Variants in C16orf46 observed in about 807,000 individuals in gnomAD.
C16orf46 encodes the protein chromosome 16 open reading frame 46.
A neutral mutation model predicts 5.5 loss-of-function variants in C16orf46; 7 were observed. The observed-to-expected ratio is 1.28, with a 90% CI of 0.73 to 2.40. The LOEUF is 2.40. Among genes scored for constraint, C16orf46 ranks in the 30% most tolerant of loss-of-function variants. C16orf46 has a pLI of 0.00. For synonymous variants in C16orf46, 200 were observed against 184.1 expected, an observed-to-expected ratio of 1.09 and a Z score of -0.70; for missense variants, 614 against 476.0, an observed-to-expected ratio of 1.29 and a Z score of -2.70.
chr16:81,070,596 T>C (rs12443549), intron 1 of C16orf46, among the ~76,000 whole-genome samples: 11,544 of 152,268 alleles, frequency 0.076, 499 homozygotes, highest in East Asian at 0.2. Flanking sequence ...ACCGTCTATA[T>C]GCAAAAACAC....
chr16:81,067,424 T>C (rs536083593), intron 1 of C16orf46, among the ~76,000 whole-genome samples: 4 of 152,172 alleles, frequency 2.6e-5, no homozygotes, highest in Non-Finnish European at 5.9e-5. Flanking sequence ...CTTCCTGTAA[T>C]AAAACTTTTA....
intron 1 of C16orf46, chr16:81,076,431 G>C (rs1189827586): frequency 6.6e-6 from 1 of 152,100 alleles, no homozygotes; most frequent in African/African-American, 2.4e-5. Context: ...CAGGTCACAG[G>C]AACCTCAAGT....
rs1198292472 is a variant in C16orf46 at position 81,061,549 on chromosome 16, C to G, written c.800G>C (p.Ser267Thr). The change falls in exon 4 of 4, where the codon AGT (serine) becomes ACT (threonine). Residue 267 changes from serine to threonine, a missense_variant. Physicochemically the swap from Ser to Thr is moderately conservative, Grantham distance 58. Coordinates refer to ENST00000299578, the MANE Select transcript of C16orf46 (RefSeq NM_152337.3). ...TADGKGEKRA[S>T]ELAKHPMVND... ...GACCATAGGGTGTTTGGCCAGCTCA[C>G]TGGCTCTTTTTTCACCTTTCCCATC... The G allele has an allele frequency of 6.2e-7, 1 of 1,614,208 alleles. No individual in the cohort carries two copies. Among genetic ancestry groups the G allele is most frequent in the Non-Finnish European group, 8.5e-7 (1 of 1,180,048 alleles).
chr16:81,060,231 T>C (rs1971423416), downstream of C16orf46, among the ~76,000 whole-genome samples: 1 of 152,136 alleles, frequency 6.6e-6, no homozygotes, highest in Non-Finnish European at 1.5e-5. Flanking sequence ...TGTATATACA[T>C]GGAAACAATC....
At chr16:81,076,750 C>G (rs1379096528) in intron 1 of C16orf46, among the ~76,000 whole-genome samples, 1 of 151,964 alleles carries the variant, frequency 6.6e-6, no homozygotes, top group African/African-American at 2.4e-5. Flanking sequence ...GGCCACACCC[C>G]TTTCTCTATC....
exon 4 of C16orf46, chr16:81,053,549 A>C (rs1260417860): frequency 6.6e-6 from 1 of 152,298 alleles, no homozygotes; most frequent in African/African-American, 2.4e-5. Context: ...CAAAATAAAA[A>C]CTTTGTTCTA....
At chr16:81,073,906 G>C (rs989093058) in intron 1 of C16orf46, among the ~76,000 whole-genome samples, 1 of 152,206 alleles carries the variant, frequency 6.6e-6, no homozygotes, top group African/African-American at 2.4e-5. Context: ...TCCAATAAGA[G>C]TCTAGACTGG....
chr16:81,063,748 C>T lies in C16orf46; in HGVS notation c.208G>A (p.Ala70Thr), dbSNP rs751296213. 4 of 1,610,670 alleles carry T rather than the reference C, an allele frequency of 2.5e-6. No homozygotes were observed. The highest frequency in any genetic ancestry group is 3.4e-6 in the Non-Finnish European group (4 of 1,177,168). Residue 70 changes from alanine (A) to threonine (T), a missense_variant and splice_region_variant, in exon 3 of 4, where the codon GCA becomes ACA. Physicochemically the swap from Ala to Thr is moderately conservative, Grantham distance 58 (BLOSUM62 0). Transcript: ENST00000299578. ...EFIIGTGWEE[A>T]VQGWGRTSPA... The stretch of plus-strand genomic sequence containing the variant: ...CTGTGACTCAGAAAGATACTCACTG[C>T]CTCTTCCCATCCAGTTCCAATAATA...
Position 81,063,780 on chromosome 16 carries a change from T to A in C16orf46, c.176A>T (p.Lys59Ile). The stretch of plus-strand genomic sequence containing the variant: ...CCATCCAGTTCCAATAATAAACTCT[T>A]TGGCTTTTTCATCTTGTTCAAGCGT... The part of the protein sequence containing the change: ...DITLEQDEKA[K>I]EFIIGTGWEE... The change falls in exon 3 of 4, where the codon AAA becomes ATA. Residue 59 changes from lysine to isoleucine, a missense_variant. Transcript: ENST00000299578. 6.2e-7 allele frequency: 1 copy of A among 1,614,000 alleles called. No individual in the cohort carries two copies. Among genetic ancestry groups the A allele is most frequent in the South Asian group, 1.1e-5 (1 of 91,068 alleles).
intron 1 of C16orf46, among the ~76,000 whole-genome samples, chr16:81,076,088 C>A (rs1179083561): frequency 6.6e-6 from 1 of 152,118 alleles, no homozygotes; most frequent in Non-Finnish European, 1.5e-5. Context: ...TGGGTCGGCT[C>A]CTTAACAACC....
chr16:81,059,451 TTCAAG>T (rs1485244386), downstream of C16orf46, among the ~76,000 whole-genome samples: 14 of 152,124 alleles, frequency 9.2e-5, no homozygotes, highest in African/African-American at 3.4e-4. Context: ...AAATCCAGAC[TTCAAG>T]TCCAACCTAC....
chr16:81,071,211 A>C (rs1265755609), intron 1 of C16orf46, among the ~76,000 whole-genome samples: 2 of 152,158 alleles, frequency 1.3e-5, no homozygotes, highest in Admixed American at 1.3e-4. Flanking sequence ...TCCTCACTAG[A>C]GATCAGTGTA....
chr16:81,068,846 C>T (rs949341471), intron 1 of C16orf46, among the ~76,000 whole-genome samples: 8 of 152,000 alleles, frequency 5.3e-5, no homozygotes, highest in South Asian at 2.1e-4. Context: ...GGATTCCAGG[C>T]GCATGCCACC....
At chr16:81,064,514 G>A (rs959938419) in intron 2 of C16orf46, among the ~76,000 whole-genome samples, 3 of 152,078 alleles carry the variant, frequency 2.0e-5, no homozygotes, top group Non-Finnish European at 2.9e-5. Context: ...TTGGGATGCT[G>A]AGGCTGATGG....
chr16:81,055,829 T>C (rs1971278668), intron 3 of C16orf46, among the ~76,000 whole-genome samples: 1 of 152,222 alleles, frequency 6.6e-6, no homozygotes, highest in African/African-American at 2.4e-5. Flanking sequence ...CAAGCGACTC[T>C]CCTGCCTAAT....
chr16:81,066,566 T>C (rs568590593), intron 1 of C16orf46, among the ~76,000 whole-genome samples: 2 of 152,322 alleles, frequency 1.3e-5, no homozygotes, highest in African/African-American at 4.8e-5. Context: ...CGTTAGCAGA[T>C]GACACACAGT....
chr16:81,061,123 C>G lies in C16orf46; in HGVS notation c.*38G>C. 1.3e-6 allele frequency: 2 copies of G among 1,538,478 alleles called. No individual in the cohort carries two copies. Among genetic ancestry groups the G allele is most frequent in the Non-Finnish European group, 1.7e-6 (2 of 1,144,118 alleles). On this transcript the variant is annotated 3_prime_UTR_variant, in exon 4 of 4. Coordinates refer to ENST00000299578, the MANE Select transcript of C16orf46 (RefSeq NM_152337.3). The stretch of plus-strand genomic sequence containing the variant: ...AGAAAGAGAAAGGATGGCTGCATCT[C>G]AAACGGTGCTTATTCCCAGGGGTTC...
chr16:81,058,868 G>A (rs767113868), downstream of C16orf46, among the ~76,000 whole-genome samples: 3 of 152,022 alleles, frequency 2.0e-5, no homozygotes, highest in Non-Finnish European at 2.9e-5. Flanking sequence ...TACTTCAAAC[G>A]TCCCCGACCT....
intron 1 of C16orf46, among the ~76,000 whole-genome samples, chr16:81,076,123 T>G (rs1484298418): frequency 3.3e-5 from 5 of 152,178 alleles, no homozygotes; most frequent in Admixed American, 2.6e-4. Context: ...GAATAATCAT[T>G]AGAAATATTG....
Sources: gnomAD v4.1 joint callset for allele counts (sites outside exome capture counted in the v4.1 genomes callset) on GRCh38, gnomAD v4.1.1 for gene constraint, MANE v1.5 for transcripts, NCBI Gene and HGNC (gene_info 2026-07-23, HGNC 2026-07-21) for gene names.